The following STON1 variants were observed in gnomAD, a reference collection of about 807,000 sequenced individuals.
STON1 encodes stonin-1.
A neutral mutation model predicts 60.9 loss-of-function variants in STON1; 79 were observed. That is an observed-to-expected ratio of 1.30 (90% CI 1.08 to 1.56). The LOEUF is 1.56. STON1 is among the 40% of genes most tolerant of loss of function. STON1 has a pLI of 0.00. For missense variants in STON1, 1,166 were observed against 858.9 expected, an observed-to-expected ratio of 1.36 and a Z score of -4.47; for synonymous variants, 363 against 306.9, an observed-to-expected ratio of 1.18 and a Z score of -1.91.
chr2:48,584,263 C>T (rs1674070353), intron 2 of STON1, among the ~76,000 whole-genome samples: 1 of 151,956 alleles, frequency 6.6e-6, no homozygotes, highest in Non-Finnish European at 1.5e-5. Flanking sequence ...GTTTCTCAAA[C>T]CTGGCTATAT....
chr2:48,582,489 T>TG lies in STON1; in HGVS notation c.1860dup (p.Ser621ValfsTer5). 6.2e-7 allele frequency: 1 copy of TG among 1,614,182 alleles called. No homozygotes were observed. The highest frequency in any genetic ancestry group is 8.5e-7 in the Non-Finnish European group (1 of 1,180,000). ...TCTGAACCTGTCATTCAAGTCACTG[T>TG]GGGGTCAGCAAAATATGAGAGTGCC... On this transcript the variant is annotated frameshift_variant, in exon 2 of 4. Transcript: ENST00000404752. LOFTEE classifies it high-confidence loss of function.
intron 2 of STON1, among the ~76,000 whole-genome samples, chr2:48,587,558 TG>T (rs1674283520): frequency 6.6e-6 from 1 of 152,156 alleles, no homozygotes; most frequent in South Asian, 2.1e-4. Flanking sequence ...CCCAAAGTGC[TG>T]GGATTATAGG....
chr2:48,544,047 C>T (rs1320539260), intron 1 of STON1, among the ~76,000 whole-genome samples: 1 of 152,128 alleles, frequency 6.6e-6, no homozygotes, highest in Non-Finnish European at 1.5e-5. Context: ...TAAAATCTGC[C>T]TGTTTCACAA....
Position 48,582,278 on chromosome 2 carries a change from A to G in STON1, c.1645A>G (p.Met549Val). ...AYVELQAFVN[M>V]ASLAQRSSYA... is the part of the protein sequence containing the mutation. ...CGTGGAACTTCAGGCTTTTGTCAAC[A>G]TGGCCTCATTGGCGCAGAGGTCATC... Residue 549 changes from methionine (M) to valine (V), a missense_variant, in exon 2 of 4, where the codon ATG (methionine) becomes GTG (valine). Physicochemically the swap from Met to Val is conservative, Grantham distance 21 (BLOSUM62 1). Coordinates refer to ENST00000404752, the MANE Select transcript of STON1 (RefSeq NM_006873.4). The G allele has an allele frequency of 6.2e-7, 1 of 1,614,232 alleles. No individual in the cohort carries two copies. Among genetic ancestry groups the G allele is most frequent in the Non-Finnish European group, 8.5e-7 (1 of 1,180,042 alleles).
Position 48,581,857 on chromosome 2 carries a change from G to C in STON1, c.1224G>C (p.Lys408Asn). 1.9e-6 allele frequency: 3 copies of C among 1,614,126 alleles called. No homozygotes were observed. Among genetic ancestry groups the C allele is most frequent in the Non-Finnish European group, 2.5e-6 (3 of 1,180,018 alleles). The change falls in exon 2 of 4, where the codon AAG becomes AAC. Residue 408 changes from lysine to asparagine, a missense_variant. By Grantham distance (94) the Lys-to-Asn change is moderately conservative (BLOSUM62 0). Coordinates refer to ENST00000404752, the MANE Select transcript of STON1 (RefSeq NM_006873.4). ...MKLPAVSKPK[K>N]NYEEQEISLE... ...TGCCAGCTGTTTCAAAACCAAAAAA[G>C]AACTACGAGGAGCAAGAAATTTCCT...
chr2:48,581,779 G>T lies in STON1; in HGVS notation c.1146G>T (p.Ser382=), dbSNP rs749672597. The T allele has an allele frequency of 1.9e-6, 3 of 1,614,102 alleles. No individual in the cohort carries two copies. Among genetic ancestry groups the T allele is most frequent in the Non-Finnish European group, 1.7e-6 (2 of 1,180,024 alleles). The change falls in exon 2 of 4, where the codon TCG becomes TCT. Residue 382 remains serine, a synonymous_variant. Transcript: ENST00000404752. ...AGATGCTGAAGTTGGGGTCCACATCGTACCATGACTTCCTTGACTTTCTGA... is the reference window on the plus strand; with the variant it reads ...AGATGCTGAAGTTGGGGTCCACATCTTACCATGACTTCCTTGACTTTCTGA... The part of the protein sequence containing the change: ...IEQMLKLGST[S]YHDFLDFLTT...
Position 48,581,162 on chromosome 2 carries a change from C to G in STON1, c.529C>G (p.Arg177Gly), listed in dbSNP as rs776509523. ...TGATCTCCCCCAGTTTCAGTATTTT[C>G]GAGAGGACTGTGCTTTTTCAAGTCC... Reference protein sequence around the residue: ...SDDLPQFQYFREDCAFSSPFW... With the variant: ...SDDLPQFQYFGEDCAFSSPFW... Residue 177 changes from arginine to glycine, a missense_variant, in exon 2 of 4, where the codon CGA (arginine) becomes GGA (glycine). Coordinates refer to ENST00000404752, the MANE Select transcript of STON1 (RefSeq NM_006873.4). 6.4e-6 allele frequency: 10 copies of G among 1,554,710 alleles called. No homozygotes were observed. Among genetic ancestry groups the G allele is most frequent in the Non-Finnish European group, 8.6e-6 (10 of 1,158,020 alleles).
chr2:48,580,371 G>A (rs4465808), intron 1 of STON1, among the ~76,000 whole-genome samples: 16 of 152,078 alleles, frequency 1.1e-4, no homozygotes, highest in Non-Finnish European at 1.6e-4. Context: ...CATGGAATAT[G>A]TTTTTTCATC....
At chr2:48,561,769 T>C (rs889256995) in intron 1 of STON1, among the ~76,000 whole-genome samples, 1 of 152,242 alleles carries the variant, frequency 6.6e-6, no homozygotes, top group East Asian at 1.9e-4. Context: ...AGAGTAATGC[T>C]AAGTCCTGGG....
intron 1 of STON1, among the ~76,000 whole-genome samples, chr2:48,563,958 C>G (rs968682191): frequency 6.6e-6 from 1 of 150,910 alleles, no homozygotes. Flanking sequence ...CTCAGCCCTC[C>G]AAAGTGCTGG....
rs1363708112 is a variant in STON1 at position 48,555,463 on chromosome 2, C to T, written c.-47-25124C>T. Among the ~76,000 whole-genome samples, 4 of 98,868 alleles carry T rather than the reference C, an allele frequency of 4.0e-5. 1 individual carries two copies. The highest frequency in any genetic ancestry group is 6.4e-5 in the Non-Finnish European group (3 of 46,842). 64.9% of individuals were successfully genotyped at this position (98,868 alleles called of 152,430 possible). A position where few individuals can be genotyped will look rare whatever the true frequency, so the allele number is the denominator to read the frequency against. On this transcript the variant is annotated intron_variant, in intron 1 of 3. Coordinates refer to ENST00000404752, the MANE Select transcript of STON1 (RefSeq NM_006873.4). ...CGGGCAGGGGGGCTGACCCCCCCCA[C>T]CTCCCTCCCGGACGGGGCGGCTGGC...
At chr2:48,585,347 A>C (rs1674147013) in intron 2 of STON1, among the ~76,000 whole-genome samples, 1 of 152,104 alleles carries the variant, frequency 6.6e-6, no homozygotes, top group Middle Eastern at 3.4e-3. Flanking sequence ...TCCTGGGTTC[A>C]AGCAATTCTA....
chr2:48,559,441 C>A (rs538615371), intron 1 of STON1, among the ~76,000 whole-genome samples: 1 of 152,222 alleles, frequency 6.6e-6, no homozygotes, highest in East Asian at 1.9e-4. Flanking sequence ...CTCTCTGGGG[C>A]CTCTTTGATA....
intron 1 of STON1, among the ~76,000 whole-genome samples, chr2:48,532,951 C>T (rs1304433585): frequency 6.6e-6 from 1 of 152,174 alleles, no homozygotes; most frequent in Non-Finnish European, 1.5e-5. Flanking sequence ...AGGCCAGGCA[C>T]AGTGGCTCAT....
At chr2:48,590,625 C>G (rs1674453640) in intron 2 of STON1, among the ~76,000 whole-genome samples, 1 of 7,412 alleles carries the variant, frequency 1.3e-4, no homozygotes, top group South Asian at 3.0e-3. Flanking sequence ...AAATATTGAT[C>G]ATTTCCTTAT....
At chr2:48,562,569 A>G (rs1038326368) in intron 1 of STON1, among the ~76,000 whole-genome samples, 1 of 152,226 alleles carries the variant, frequency 6.6e-6, no homozygotes, top group Admixed American at 6.5e-5. Context: ...TGAGGCCAAA[A>G]GATACGAAGC....
At chr2:48,591,975 A>G (rs1456375640) in intron 3 of STON1, 120 bp downstream of exon 3, 2 of 1,357,638 alleles carry the variant, frequency 1.5e-6, no homozygotes, top group Non-Finnish European at 2.0e-6. Context: ...TTTGCCCTAG[A>G]GAGGATCTCA....
rs187239601 is a variant in STON1 at position 48,576,782 on chromosome 2, G to A, written c.-47-3805G>A. Among the ~76,000 whole-genome samples the A allele has an allele frequency of 2.1e-3, 324 of 152,128 alleles. 2 individuals are homozygous for A. Among genetic ancestry groups the A allele is most frequent in the Non-Finnish European group, 2.6e-3 (180 of 68,012 alleles). ...AAGAAATACCGTTTGCAGGCCGGGC[G>A]CGGTGGCTCACGCCTGTAATCCCAG... is the stretch of plus-strand genomic sequence containing the variant. On this transcript the variant is annotated intron_variant, in intron 1 of 3. Coordinates refer to ENST00000404752, the MANE Select transcript of STON1 (RefSeq NM_006873.4).
intron 1 of STON1, among the ~76,000 whole-genome samples, chr2:48,565,486 C>G (rs953922033): frequency 2.6e-5 from 4 of 152,124 alleles, no homozygotes; most frequent in Admixed American, 2.6e-4. Context: ...TGTGGGGACA[C>G]AAACATTAAG....
Sources: allele counts gnomAD v4.1 joint callset (sites outside exome capture counted in the v4.1 genomes callset), GRCh38; gene constraint gnomAD v4.1.1; transcripts MANE v1.5; gene names NCBI Gene and HGNC (gene_info 2026-07-23, HGNC 2026-07-21).